EDDM13: variants seen among roughly 807,000 people sequenced by gnomAD.
The protein encoded by EDDM13 is epididymal protein 13.
Under a neutral mutation model 17.8 loss-of-function variants are expected in EDDM13, and 24 were observed. The ratio of observed to expected loss-of-function variants is 1.35; its 90% CI spans 0.98 to 1.90. The LOEUF (loss-of-function observed/expected upper bound fraction) is 1.90. EDDM13 is among the 40% of genes most tolerant of loss of function. The pLI, the probability that EDDM13 is intolerant of heterozygous loss-of-function variation, is 0.00. For missense variants in EDDM13, 97 were observed against 100.8 expected (o/e 0.96, Z 0.16); for synonymous variants, 31 against 37.5 (o/e 0.83, Z 0.63).
chr19:56,282,618 A>T, intron 4 of EDDM13, 119 bp downstream of exon 4: 1 of 513,498 alleles, frequency 1.9e-6, no homozygotes, highest in Non-Finnish European at 2.5e-6. Context: ...CTTAGCTTCT[A>T]ATAGCGGAAC....
intron 13 of EDDM13, among the ~76,000 whole-genome samples, chr19:56,302,555 C>CCCTCCTCCTCCCTTCCTTTTCTT (rs1165919335): frequency 8.4e-5 from 8 of 95,678 alleles, no homozygotes; most frequent in Non-Finnish European, 1.5e-4. Flanking sequence ...GTTCCTCCCT[C>CCCTCCTCCTCCCTTCCTTTTCTT]CCTCCCCCCT....
chr19:56,301,769 CCTGA>C (rs2040248156), intron 12 of EDDM13, among the ~76,000 whole-genome samples, 195 bp from the exon 13 acceptor site: 1 of 151,318 alleles, frequency 6.6e-6, no homozygotes, highest in African/African-American at 2.4e-5. Flanking sequence ...AAAAGGCATT[CCTGA>C]CTGTTTGTCT....
intron 2 of EDDM13, among the ~76,000 whole-genome samples, chr19:56,276,319 C>T (rs143613128): frequency 6.6e-6 from 1 of 152,224 alleles, no homozygotes; most frequent in East Asian, 1.9e-4. Flanking sequence ...CCCTCCTTCA[C>T]TCCTTTGTCT....
chr19:56,308,035 T>C (rs988560768), intron 14 of EDDM13, among the ~76,000 whole-genome samples: 3 of 152,194 alleles, frequency 2.0e-5, no homozygotes, highest in South Asian at 2.1e-4. Flanking sequence ...CCCCTGTCCA[T>C]ATTAAACCTT....
intron 8 of EDDM13, among the ~76,000 whole-genome samples, chr19:56,290,119 C>T (rs2039415687): frequency 6.6e-6 from 1 of 152,206 alleles, no homozygotes; most frequent in South Asian, 2.1e-4. Flanking sequence ...TTTCTTTGTT[C>T]TACCTGGACC....
At chr19:56,275,423 G>A (rs1288273618) in intron 1 of EDDM13, among the ~76,000 whole-genome samples, 1 of 151,964 alleles carries the variant, frequency 6.6e-6, no homozygotes, top group South Asian at 2.1e-4. Flanking sequence ...TTATATCAGC[G>A]TGAACTCAGG....
chr19:56,286,699 T>G (rs2147114568), intron 6 of EDDM13: 1 of 152,354 alleles, frequency 6.6e-6, no homozygotes, highest in African/African-American at 2.4e-5. Context: ...AGTGCCATTT[T>G]GAGAATTTCT....
At position 56,304,787 on chromosome 19, in the gene EDDM13, C is replaced by T. The variant is rs2040575775; in HGVS notation, c.424-6C>T. On this transcript the variant is annotated splice_region_variant and splice_polypyrimidine_tract_variant and intron_variant, in intron 13 of 14. Coordinates refer to ENST00000649256, the MANE Select transcript of EDDM13 (RefSeq NM_001354658.2). ...CTCTGTTCCCAGTTCACTTTTTCCT[C>T]CCAAGTGTTACTGCCACTACTGTAA... The T allele has an allele frequency of 2.0e-6, 2 of 985,246 alleles. No homozygotes were observed. Among genetic ancestry groups the T allele is most frequent in the Admixed American group, 6.1e-5 (1 of 16,264 alleles). The allele number at this position is 985,246 out of a possible 1,614,324, so 61.0% of individuals were successfully genotyped here. A position where few individuals can be genotyped will look rare whatever the true frequency, so the allele number is the denominator to read the frequency against.
At position 56,284,785 on chromosome 19, in the gene EDDM13, T is replaced by C. The variant is rs76488100; in HGVS notation, c.128-213T>C. 3.2e-4 allele frequency among the ~76,000 whole-genome samples: 48 copies of C among 152,212 alleles called. 2 individuals carry two copies. The East Asian group carries it at 9.1e-3, about 29-fold the overall frequency. ...CACCTCAGCCCCCAAAGTGCTAGGA[T>C]TACAGGCCTGAGCCACTGCGCCTGG... On this transcript the variant is annotated intron_variant, in intron 5 of 14. Coordinates refer to ENST00000649256, the MANE Select transcript of EDDM13 (RefSeq NM_001354658.2).
intron 13 of EDDM13, among the ~76,000 whole-genome samples, chr19:56,303,961 A>G (rs576978369): frequency 2.6e-5 from 4 of 152,286 alleles, no homozygotes; most frequent in African/African-American, 7.2e-5. Context: ...AGGAACATCT[A>G]TGTGACCTGA....
intron 12 of EDDM13, chr19:56,300,017 C>T (rs1218661378): frequency 1.3e-5 from 2 of 152,188 alleles, no homozygotes; most frequent in Non-Finnish European, 2.9e-5. Flanking sequence ...AAAGATGAGC[C>T]TCATTTTTTA....
intron 14 of EDDM13, among the ~76,000 whole-genome samples, chr19:56,307,798 T>C (rs987897180): frequency 1.3e-5 from 2 of 152,208 alleles, no homozygotes; most frequent in African/African-American, 4.8e-5. Context: ...ATATTTTGGG[T>C]ACACACCTAT....
rs970007609 is a variant in EDDM13 at position 56,284,062 on chromosome 19, C to T, written c.119-136C>T. ...TGTGGATTCTACTTCCCAATCTGTTCCCAGCCCCCAGCATCTGACCTCGTT... is the reference window on the plus strand; with the variant it reads ...TGTGGATTCTACTTCCCAATCTGTTTCCAGCCCCCAGCATCTGACCTCGTT... On this transcript the variant is annotated intron_variant, in intron 4 of 14. Coordinates refer to ENST00000649256, the MANE Select transcript of EDDM13 (RefSeq NM_001354658.2). 10 of 458,500 alleles carry T rather than the reference C, an allele frequency of 2.2e-5. No homozygotes were observed. In the East Asian group the frequency reaches 7.4e-4, roughly 34 times the overall value. The allele number at this position is 458,500 out of a possible 1,614,324, so 28.4% of individuals were successfully genotyped here. A position where few individuals can be genotyped will look rare whatever the true frequency, so the allele number is the denominator to read the frequency against.
At chr19:56,282,798 C>A (rs2038812342) in intron 4 of EDDM13, among the ~76,000 whole-genome samples, 1 of 152,220 alleles carries the variant, frequency 6.6e-6, no homozygotes, top group South Asian at 2.1e-4. Context: ...GTCTACCTGA[C>A]ATCGATAATA....
intron 1 of EDDM13, among the ~76,000 whole-genome samples, chr19:56,273,497 C>A (rs2146976165): frequency 6.9e-6 from 1 of 144,634 alleles, no homozygotes; most frequent in Non-Finnish European, 1.6e-5. Flanking sequence ...AATTCTCATG[C>A]TAAACACACA....
intron 14 of EDDM13, among the ~76,000 whole-genome samples, chr19:56,309,898 C>A (rs2040928516): frequency 6.6e-6 from 1 of 152,084 alleles, no homozygotes; most frequent in Non-Finnish European, 1.5e-5. Context: ...TCCATAAGAT[C>A]TGAGGGAAGC....
intron 2 of EDDM13, 26 bp from the exon 3 acceptor site, chr19:56,281,667 G>A (rs1174239758): frequency 1.0e-6 from 1 of 984,698 alleles, no homozygotes; most frequent in Non-Finnish European, 1.2e-6. Context: ...TGATTCACTG[G>A]CTCCTGGCTC....
intron 2 of EDDM13, among the ~76,000 whole-genome samples, chr19:56,280,082 T>A (rs1444406940): frequency 6.6e-6 from 1 of 152,226 alleles, no homozygotes; most frequent in Non-Finnish European, 1.5e-5. Context: ...ATATTAATTA[T>A]TTCTTCCAGA....
At chr19:56,299,029 G>C (rs2040060441) in intron 12 of EDDM13, among the ~76,000 whole-genome samples, 1 of 152,086 alleles carries the variant, frequency 6.6e-6, no homozygotes, top group Admixed American at 6.6e-5. Flanking sequence ...GGTTTAATAG[G>C]TAAAAACAAA....
Sources: allele counts gnomAD v4.1 joint callset (sites outside exome capture counted in the v4.1 genomes callset), GRCh38; gene constraint gnomAD v4.1.1; transcripts MANE v1.5; gene names NCBI Gene and HGNC (gene_info 2026-07-23, HGNC 2026-07-21).